The following CSNK1D variants were observed in gnomAD, a reference collection of about 807,000 sequenced individuals.
CSNK1D encodes casein kinase 1 delta.
Under a neutral mutation model 46.6 loss-of-function variants are expected in CSNK1D, and 16 were observed. That is an observed-to-expected ratio of 0.34 (90% CI 0.23 to 0.52). The LOEUF is 0.52. CSNK1D is among the 20% of genes least tolerant of loss of function. The pLI, the probability that CSNK1D is intolerant of heterozygous loss-of-function variation, is 0.95. For synonymous variants in CSNK1D, 276 were observed against 228.2 expected, an observed-to-expected ratio of 1.21 and a Z score of -1.89; for missense variants, 398 against 578.4, an observed-to-expected ratio of 0.69 and a Z score of 3.20.
Position 82,243,911 on chromosome 17 carries a change from G to A in CSNK1D, c.*870C>T. ...CTGGGACTCCCAATTGTCCTGCTAG[G>A]GTCTCAAAGCCTCTGCTTCCAAGCT... On this transcript the variant is annotated 3_prime_UTR_variant, in exon 9 of 9. Transcript: ENST00000314028. 1.0e-6 allele frequency: 1 copy of A among 985,772 alleles called. No homozygotes were observed. The highest frequency in any genetic ancestry group is 1.2e-6 in the Non-Finnish European group (1 of 830,210). The allele number at this position is 985,772 out of a possible 1,614,324, so 61.1% of individuals were successfully genotyped here.
At chr17:82,253,340 C>T in intron 3 of CSNK1D, 96 bp from the exon 4 acceptor site, 3 of 984,772 alleles carry the variant, frequency 3.0e-6, no homozygotes, top group African/African-American at 1.6e-5. Flanking sequence ...TGCATTGTTC[C>T]TGCCCCTCAG....
chr17:82,248,161 C>T lies in CSNK1D; in HGVS notation c.1197+714G>A. 1.0e-6 allele frequency: 1 copy of T among 985,554 alleles called. No individual in the cohort carries two copies. Among genetic ancestry groups the T allele is most frequent in the Non-Finnish European group, 1.2e-6 (1 of 830,008 alleles). 61.1% of individuals were successfully genotyped at this position (985,554 alleles called of 1,614,324 possible). On this transcript the variant is annotated intron_variant, in intron 8 of 8. Transcript: ENST00000314028. This position sits in a 1 kb window ranked among gnomAD's most constrained non-coding sequence, Gnocchi z 4.1. ...AACAGCCCTGCCCCACTAACCCTGC[C>T]CCTGTTGGCGAACAACCCAGAAAAC...
At position 82,249,035 on chromosome 17, in the gene CSNK1D, G is replaced by A. The variant is rs753964785; in HGVS notation, c.1058-21C>T. The A allele has an allele frequency of 7.1e-6, 11 of 1,550,318 alleles. No homozygotes were observed. Among genetic ancestry groups the A allele is most frequent in the East Asian group, 4.9e-5 (2 of 41,000 alleles). ...GTTAGCTGAGGACAGGGAGAGAAAC[G>A]GAGTGGGCCGCCCCCGTCTGCTGCC... On this transcript the variant is annotated intron_variant, in intron 7 of 8. Transcript: ENST00000314028. The surrounding 1 kb of genome is among the most constrained non-coding windows in gnomAD (Gnocchi z 6.7).
chr17:82,263,704 ATC>A (rs1300012418), intron 2 of CSNK1D, among the ~76,000 whole-genome samples: 1 of 152,214 alleles, frequency 6.6e-6, no homozygotes, highest in Non-Finnish European at 1.5e-5. Context: ...TCCTGGAGAC[ATC>A]TCTCGTAAAA....
chr17:82,271,319 C>T (rs2051617757), intron 1 of CSNK1D, among the ~76,000 whole-genome samples: 1 of 152,196 alleles, frequency 6.6e-6, no homozygotes, highest in African/African-American at 2.4e-5. Context: ...ACCCGCCCAC[C>T]TCAGCTTCCC....
At position 82,250,237 on chromosome 17, in the gene CSNK1D, G is replaced by A; in HGVS notation, c.886-635C>T. ...GTGCGGCAGGGGCCTGCAAACTACA[G>A]CCCCGGGGCCAAACCCAGGTGCCAC... is the stretch of plus-strand genomic sequence containing the variant. On this transcript the variant is annotated intron_variant, in intron 6 of 8. Coordinates refer to ENST00000314028, the MANE Select transcript of CSNK1D (RefSeq NM_001893.6). This position sits in a 1 kb window ranked among gnomAD's most constrained non-coding sequence, Gnocchi z 4.6. The A allele has an allele frequency of 2.3e-6, 3 of 1,286,774 alleles. No individual in the cohort carries two copies. Among genetic ancestry groups the A allele is most frequent in the Non-Finnish European group, 3.0e-6 (3 of 986,140 alleles). The allele number at this position is 1,286,774 out of a possible 1,614,324, so 79.7% of individuals were successfully genotyped here.
Position 82,248,706 on chromosome 17 carries a change from C to G in CSNK1D, c.1197+169G>C. The G allele has an allele frequency of 6.9e-7, 1 of 1,451,170 alleles. No homozygotes were observed. The highest frequency in any genetic ancestry group is 9.1e-7 in the Non-Finnish European group (1 of 1,102,874). The allele number at this position is 1,451,170 out of a possible 1,614,324, so 89.9% of individuals were successfully genotyped here. A position where few individuals can be genotyped will look rare whatever the true frequency, so the allele number is the denominator to read the frequency against. ...GACGGCCCAGCATGTCTCCCAGGCC[C>G]TCCCGAGAAGCCTCATCTGCAACCA... On this transcript the variant is annotated intron_variant, in intron 8 of 8. Transcript: ENST00000314028. This position sits in a 1 kb window ranked among gnomAD's most constrained non-coding sequence, Gnocchi z 4.1.
At chr17:82,267,441 A>G (rs1215671902) in intron 1 of CSNK1D, among the ~76,000 whole-genome samples, 3 of 152,174 alleles carry the variant, frequency 2.0e-5, no homozygotes, top group Non-Finnish European at 4.4e-5. Flanking sequence ...TGGCGGCATG[A>G]GATGTGCCAC....
intron 1 of CSNK1D, among the ~76,000 whole-genome samples, chr17:82,270,468 TCTTA>T (rs1249088799): frequency 6.6e-6 from 1 of 152,176 alleles, no homozygotes; most frequent in African/African-American, 2.4e-5. Flanking sequence ...GTAGGAATGG[TCTTA>T]ACGATACTCA....
rs770245123 is a variant in CSNK1D, at chr17:82,273,305, C to T, written c.76+1G>A. 2 of 1,607,262 alleles carry T rather than the reference C, an allele frequency of 1.2e-6. No homozygotes were observed. On this transcript the variant is annotated splice_donor_variant, in intron 1 of 8. Coordinates refer to ENST00000314028, the MANE Select transcript of CSNK1D (RefSeq NM_001893.6). LOFTEE classifies it high-confidence loss of function. The surrounding 1 kb of genome is among the most constrained non-coding windows in gnomAD (Gnocchi z 5.1). Reference sequence around the variant, plus strand: ...GGCGGGCGGGGGCGGCGGGGCCTCACCGAGATAGATGTCTCCGAAGGAGCC... The same window carrying T: ...GGCGGGCGGGGGCGGCGGGGCCTCATCGAGATAGATGTCTCCGAAGGAGCC...
chr17:82,245,098 T>A, intron 8 of CSNK1D: 1 of 596,108 alleles, frequency 1.7e-6, no homozygotes, highest in South Asian at 2.0e-5. Context: ...AGGATCCGAG[T>A]GGAGCGGAGA....
intron 1 of CSNK1D, among the ~76,000 whole-genome samples, chr17:82,267,498 A>T (rs965687821): frequency 1.3e-5 from 2 of 152,064 alleles, no homozygotes; most frequent in Admixed American, 6.6e-5. Context: ...GTTCCACAGG[A>T]ATCGCCACCA....
At chr17:82,258,146 G>T (rs1368262471) in intron 2 of CSNK1D, among the ~76,000 whole-genome samples, 1 of 149,232 alleles carries the variant, frequency 6.7e-6, no homozygotes, top group Non-Finnish European at 1.5e-5. Flanking sequence ...AGTCGAGACT[G>T]CAGTGAGCCG....
Position 82,253,102 on chromosome 17 carries a change from C to T in CSNK1D, c.479G>A (p.Arg160His). ...FGLAKKYRDA[R>H]THQHIPYREN... Reference sequence around the variant, plus strand: ...ACGATAGGGGATGTGCTGGTGGGTGCGTGCATCCCGGTACTTCTTGGCCAG... The same window carrying T: ...ACGATAGGGGATGTGCTGGTGGGTGTGTGCATCCCGGTACTTCTTGGCCAG... The change falls in exon 4 of 9, where the codon CGC becomes CAC. Residue 160 changes from arginine (R) to histidine (H), a missense_variant. Arg to His is a conservative substitution (Grantham distance 29). Transcript: ENST00000314028. 6.2e-7 allele frequency: 1 copy of T among 1,614,210 alleles called. No individual in the cohort carries two copies. The highest frequency in any genetic ancestry group is 8.5e-7 in the Non-Finnish European group (1 of 1,180,022).
In CSNK1D at chr17:82,251,299, A is replaced by G; in HGVS notation, c.885+80T>C. On this transcript the variant is annotated intron_variant, in intron 6 of 8. Transcript: ENST00000314028. This position sits in a 1 kb window ranked among gnomAD's most constrained non-coding sequence, Gnocchi z 4.5. The stretch of plus-strand genomic sequence containing the variant: ...ACTCCCTATATGGTACAGCCCCTCA[A>G]CAAGACGGCCGCCGGCCTCTCACTG... 9 of 1,557,810 alleles carry G rather than the reference A, an allele frequency of 5.8e-6. No homozygotes were observed. Among genetic ancestry groups the G allele is most frequent in the Non-Finnish European group, 7.9e-6 (9 of 1,132,572 alleles).
chr17:82,269,051 C>T (rs978479222), intron 1 of CSNK1D, among the ~76,000 whole-genome samples: 2 of 148,220 alleles, frequency 1.3e-5, no homozygotes, highest in Non-Finnish European at 3.0e-5. Flanking sequence ...GAGCTGAGAT[C>T]GCGCCACTGC....
downstream of CSNK1D, among the ~76,000 whole-genome samples, chr17:82,241,242 A>G (rs2050738197): frequency 6.6e-6 from 1 of 152,104 alleles, no homozygotes; most frequent in Non-Finnish European, 1.5e-5. Context: ...GATGTGTGCA[A>G]GGCCTGTGCC....
At position 82,251,116 on chromosome 17, in the gene CSNK1D, G is replaced by A. The variant is rs2050997363; in HGVS notation, c.885+263C>T. 1.0e-5 allele frequency: 5 copies of A among 481,180 alleles called. No homozygotes were observed. The highest frequency in any genetic ancestry group is 3.3e-5 in the Admixed American group (1 of 29,996). 29.8% of individuals were successfully genotyped at this position (481,180 alleles called of 1,614,324 possible). A position where few individuals can be genotyped will look rare whatever the true frequency, so the allele number is the denominator to read the frequency against. On this transcript the variant is annotated intron_variant, in intron 6 of 8. Transcript: ENST00000314028. This position sits in a 1 kb window ranked among gnomAD's most constrained non-coding sequence, Gnocchi z 4.5. ...TGGGCCCTAGCTCCGCTTGGTGACA[G>A]GGAGGGAAGGGGCCTCCTGCTGTCC...
At position 82,249,060 on chromosome 17, in the gene CSNK1D, C is replaced by T; in HGVS notation, c.1058-46G>A. On this transcript the variant is annotated intron_variant, in intron 7 of 8. Transcript: ENST00000314028. The surrounding 1 kb of genome is among the most constrained non-coding windows in gnomAD (Gnocchi z 6.7). The stretch of plus-strand genomic sequence containing the variant: ...GGAGTGGGCCGCCCCCGTCTGCTGC[C>T]TCTCACTCGGGGCTTTCTATGAGAG... 1 of 1,542,600 alleles carries T rather than the reference C, an allele frequency of 6.5e-7. No individual in the cohort carries two copies. Among genetic ancestry groups the T allele is most frequent in the Non-Finnish European group, 8.8e-7 (1 of 1,142,264 alleles).
Sources: allele counts gnomAD v4.1 joint callset (sites outside exome capture counted in the v4.1 genomes callset), GRCh38; gene constraint gnomAD v4.1.1; non-coding constraint Gnocchi (gnomAD v3.1); transcripts MANE v1.5; gene names NCBI Gene and HGNC (gene_info 2026-07-23, HGNC 2026-07-21).